GALNTL6: variants seen among roughly 807,000 people sequenced by gnomAD.
The protein encoded by GALNTL6 is polypeptide N-acetylgalactosaminyltransferase like 6, also known as polypeptide N-acetylgalactosaminyltransferase-like 6.
Under a neutral mutation model 73.7 loss-of-function variants are expected in GALNTL6, and 46 were observed. The ratio of observed to expected loss-of-function variants is 0.62; its 90% CI spans 0.49 to 0.80. The LOEUF (loss-of-function observed/expected upper bound fraction) is 0.80. Ranked by LOEUF, GALNTL6 falls within the 30% of genes least tolerant of loss-of-function variation. GALNTL6 has a pLI of 0.00. For synonymous variants in GALNTL6, 259 were observed against 263.7 expected, an observed-to-expected ratio of 0.98 and a Z score of 0.17; for missense variants, 604 against 755.0, an observed-to-expected ratio of 0.80 and a Z score of 2.34.
At chr4:171,905,018 C>T (rs752747897) in intron 2 of GALNTL6, among the ~76,000 whole-genome samples, 48 of 152,150 alleles carry the variant, frequency 3.2e-4, no homozygotes, top group Non-Finnish European at 5.9e-4. Context: ...AAGGAACAAC[C>T]GATACGAGCC....
intron 5 of GALNTL6, among the ~76,000 whole-genome samples, chr4:172,648,844 G>T (rs1033914879): frequency 6.6e-6 from 1 of 152,102 alleles, no homozygotes; most frequent in Non-Finnish European, 1.5e-5. Flanking sequence ...GGTCATTTTT[G>T]TATAAGTCCT....
chr4:172,361,172 AG>A (rs1232449341), intron 5 of GALNTL6, among the ~76,000 whole-genome samples: 1 of 152,172 alleles, frequency 6.6e-6, no homozygotes, highest in African/African-American at 2.4e-5. Flanking sequence ...TTCAGAATTC[AG>A]AAAGGTAATC....
chr4:172,963,430 A>G (rs76639393), intron 10 of GALNTL6, among the ~76,000 whole-genome samples: 2 of 152,112 alleles, frequency 1.3e-5, no homozygotes, highest in African/African-American at 2.4e-5. Context: ...TTTTTTTATC[A>G]TGTTTCTCAT....
At chr4:171,863,272 AT>A (rs1246474467) in intron 2 of GALNTL6, among the ~76,000 whole-genome samples, 3 of 152,126 alleles carry the variant, frequency 2.0e-5, no homozygotes, top group African/African-American at 7.2e-5. Flanking sequence ...CAATAAACAT[AT>A]TTTTTATGAT....
intron 5 of GALNTL6, among the ~76,000 whole-genome samples, chr4:172,780,570 T>G (rs1338562832): frequency 6.6e-6 from 1 of 152,214 alleles, no homozygotes; most frequent in Non-Finnish European, 1.5e-5. Context: ...AACTTGTTGA[T>G]TTGAAATTTC....
intron 2 of GALNTL6, among the ~76,000 whole-genome samples, chr4:172,084,054 G>C (rs1213618090): frequency 6.6e-6 from 1 of 152,174 alleles, no homozygotes. Context: ...TGCAGAGATT[G>C]ATGTCATAGG....
intron 2 of GALNTL6, among the ~76,000 whole-genome samples, chr4:172,026,855 G>A (rs1741603212): frequency 6.6e-6 from 1 of 151,912 alleles, no homozygotes; most frequent in Non-Finnish European, 1.5e-5. Context: ...TTGTTTTATT[G>A]TGCTTCACTT....
At chr4:172,080,503 T>A (rs76679635) in intron 2 of GALNTL6, among the ~76,000 whole-genome samples, 3 of 152,306 alleles carry the variant, frequency 2.0e-5, no homozygotes, top group East Asian at 3.9e-4. Flanking sequence ...TACATATATA[T>A]GTATGTGTTA....
chr4:171,987,140 A>G (rs1579034378), intron 2 of GALNTL6, among the ~76,000 whole-genome samples: 1 of 152,328 alleles, frequency 6.6e-6, no homozygotes, highest in Non-Finnish European at 1.5e-5. Flanking sequence ...ACCCTGTAGC[A>G]TTCTGAGGAC....
At chr4:172,976,747 C>A (rs1337971112) in intron 10 of GALNTL6, among the ~76,000 whole-genome samples, 2 of 152,160 alleles carry the variant, frequency 1.3e-5, no homozygotes, top group African/African-American at 4.8e-5. Flanking sequence ...TGAGAGACAG[C>A]AGCCTAAAGA....
At chr4:172,017,562 C>G (rs553342075) in intron 2 of GALNTL6, among the ~76,000 whole-genome samples, 1 of 152,198 alleles carries the variant, frequency 6.6e-6, no homozygotes, top group Admixed American at 6.5e-5. Flanking sequence ...ACAGAGGCTG[C>G]CTGCCTGTTG....
At chr4:172,978,554 C>T (rs933690286) in intron 10 of GALNTL6, among the ~76,000 whole-genome samples, 4 of 152,162 alleles carry the variant, frequency 2.6e-5, no homozygotes, top group African/African-American at 9.7e-5. Flanking sequence ...TCAGCCTGTG[C>T]ACCCCAAGAA....
intron 2 of GALNTL6, among the ~76,000 whole-genome samples, chr4:172,014,311 T>C (rs375008486): frequency 6.6e-6 from 1 of 152,082 alleles, no homozygotes; most frequent in Admixed American, 6.6e-5. Context: ...TTCTCTGTGG[T>C]GGTTGTACTA....
intron 5 of GALNTL6, among the ~76,000 whole-genome samples, chr4:172,656,313 T>G (rs1579296199): frequency 1.3e-5 from 2 of 152,196 alleles, no homozygotes; most frequent in Non-Finnish European, 2.9e-5. Flanking sequence ...GTAGCACACT[T>G]AGGTTCATCT....
At chr4:172,080,465 G>A (rs2110919804) in intron 2 of GALNTL6, among the ~76,000 whole-genome samples, 1 of 152,222 alleles carries the variant, frequency 6.6e-6, no homozygotes, top group South Asian at 2.1e-4. Flanking sequence ...TGCCTGACCT[G>A]AAATGTCACA....
intron 5 of GALNTL6, among the ~76,000 whole-genome samples, chr4:172,759,485 G>A (rs577302117): frequency 2.6e-5 from 4 of 152,322 alleles, no homozygotes; most frequent in South Asian, 2.1e-4. Context: ...AATCATATAT[G>A]TCATACCACT....
intron 5 of GALNTL6, among the ~76,000 whole-genome samples, chr4:172,715,745 G>A (rs1735038147): frequency 6.6e-6 from 1 of 152,090 alleles, no homozygotes; most frequent in African/African-American, 2.4e-5. Context: ...ATAACCAAAT[G>A]GTCCTGTTTG....
At chr4:172,708,660 G>A (rs763688571) in intron 5 of GALNTL6, among the ~76,000 whole-genome samples, 1 of 152,166 alleles carries the variant, frequency 6.6e-6, no homozygotes, top group Admixed American at 6.5e-5. Flanking sequence ...CCCCTACATG[G>A]TGAGCCCTAG....
At chr4:172,600,865 A>G (rs1738028884) in intron 5 of GALNTL6, among the ~76,000 whole-genome samples, 1 of 152,162 alleles carries the variant, frequency 6.6e-6, no homozygotes, top group African/African-American at 2.4e-5. Flanking sequence ...CTATAATAGA[A>G]GATAACAAAA....
Sources: gnomAD v4.1 joint callset for allele counts (sites outside exome capture counted in the v4.1 genomes callset) on GRCh38, gnomAD v4.1.1 for gene constraint, MANE v1.5 for transcripts, NCBI Gene and HGNC (gene_info 2026-07-23, HGNC 2026-07-21) for gene names.